The following PRKG2 variants were observed in gnomAD, a reference collection of about 807,000 sequenced individuals.
The protein encoded by PRKG2 is cGMP-dependent protein kinase 2.
Under a neutral mutation model 97.2 loss-of-function variants are expected in PRKG2, and 33 were observed. That is an observed-to-expected ratio of 0.34 (90% CI 0.26 to 0.45). The LOEUF (loss-of-function observed/expected upper bound fraction) is 0.45, where lower values mean the gene tolerates loss of function less well. Ranked by LOEUF, PRKG2 falls within the 20% of genes least tolerant of loss-of-function variation. PRKG2 has a pLI of 1.00. For synonymous variants in PRKG2, 330 were observed against 321.8 expected, an observed-to-expected ratio of 1.03 and a Z score of -0.27; for missense variants, 638 against 900.0, an observed-to-expected ratio of 0.71 and a Z score of 3.73.
intron 2 of PRKG2, among the ~76,000 whole-genome samples, chr4:81,191,546 C>T (rs1014197873): frequency 2.0e-5 from 3 of 152,026 alleles, no homozygotes; most frequent in Non-Finnish European, 2.9e-5. Flanking sequence ...AACAAACCTG[C>T]ACCTTCTGCA....
At chr4:81,153,574 C>A in intron 7 of PRKG2, 70 bp downstream of exon 7, 1 of 1,250,926 alleles carries the variant, frequency 8.0e-7, no homozygotes, top group South Asian at 1.3e-5. Context: ...CAATGCAAAG[C>A]ATAGTTGAGT....
At chr4:81,156,997 C>T (rs1409716481) in intron 6 of PRKG2, among the ~76,000 whole-genome samples, 6 of 152,074 alleles carry the variant, frequency 3.9e-5, no homozygotes, top group African/African-American at 1.2e-4. Flanking sequence ...AAAATTGACA[C>T]CCTAACATCA....
chr4:81,107,999 G>C (rs1235491228), intron 15 of PRKG2, among the ~76,000 whole-genome samples: 1 of 151,978 alleles, frequency 6.6e-6, no homozygotes, highest in Admixed American at 6.6e-5. Flanking sequence ...GAGGTTAGAA[G>C]TTCGAGACCA....
chr4:81,101,856 T>C (rs750123172), intron 17 of PRKG2, among the ~76,000 whole-genome samples: 2 of 152,020 alleles, frequency 1.3e-5, no homozygotes, highest in African/African-American at 4.8e-5. Context: ...AGCTTTTTTG[T>C]TTGTTTGTTT....
intron 2 of PRKG2, among the ~76,000 whole-genome samples, chr4:81,187,243 C>T (rs772155453): frequency 1.3e-4 from 20 of 152,078 alleles, no homozygotes; most frequent in East Asian, 1.9e-4. Context: ...ACTGGGAAAC[C>T]GAATCCAGCA....
Position 81,153,955 on chromosome 4 carries a change from C to G in PRKG2, c.913-234G>C, listed in dbSNP as rs1748693192. On this transcript the variant is annotated intron_variant, in intron 6 of 18. Coordinates refer to ENST00000264399, the MANE Select transcript of PRKG2 (RefSeq NM_006259.3). The stretch of plus-strand genomic sequence containing the variant: ...CAGGGCGAGGCATTGCCTCACTCAG[C>G]AAGCACAAGGGGTCAGGGAGTTCCC... The G allele has an allele frequency of 8.6e-6, 3 of 348,204 alleles. No homozygotes were observed. The South Asian group carries it at 1.1e-4, about 13-fold the overall frequency. The allele number at this position is 348,204 out of a possible 1,614,324, so 21.6% of individuals were successfully genotyped here.
At chr4:81,168,382 G>A (rs1750174273) in intron 5 of PRKG2, among the ~76,000 whole-genome samples, 2 of 152,110 alleles carry the variant, frequency 1.3e-5, no homozygotes, top group African/African-American at 2.4e-5. Context: ...ACAAAAGGAG[G>A]GAAGGAAAGA....
At chr4:81,096,186 A>G (rs1324832555) in intron 17 of PRKG2, among the ~76,000 whole-genome samples, 1 of 152,142 alleles carries the variant, frequency 6.6e-6, no homozygotes, top group Non-Finnish European at 1.5e-5. Flanking sequence ...TCATTTCATA[A>G]AAGTTCTCTA....
intron 2 of PRKG2, among the ~76,000 whole-genome samples, chr4:81,194,864 A>T (rs1752850658): frequency 6.6e-6 from 1 of 152,180 alleles, no homozygotes; most frequent in South Asian, 2.1e-4. Context: ...CTGCTCCTAT[A>T]ACACAATGCT....
intron 4 of PRKG2, 46 bp from the exon 5 acceptor site, chr4:81,169,814 T>C (rs1426756762): frequency 8.1e-7 from 1 of 1,233,458 alleles, no homozygotes; most frequent in Non-Finnish European, 1.1e-6. Context: ...TACAACATTG[T>C]GAAAACATTC....
In PRKG2 at chr4:81,148,597, C is replaced by T. The variant is rs149505239; in HGVS notation, c.1154+287G>A. On this transcript the variant is annotated intron_variant, in intron 9 of 18. Coordinates refer to ENST00000264399, the MANE Select transcript of PRKG2 (RefSeq NM_006259.3). Reference sequence around the variant, plus strand: ...AGAAATCCATAAGCGAACGAATCAACTTACTTCCCTAGAAGATGCAGAATT... The same window carrying T: ...AGAAATCCATAAGCGAACGAATCAATTTACTTCCCTAGAAGATGCAGAATT... Among the ~76,000 whole-genome samples, 897 of 152,274 alleles carry T rather than the reference C, an allele frequency of 5.9e-3. 29 individuals carry two copies. The highest frequency in any genetic ancestry group is 0.051 in the Admixed American group (784 of 15,286).
chr4:81,157,709 G>C (rs956394254), intron 6 of PRKG2, among the ~76,000 whole-genome samples: 11 of 152,034 alleles, frequency 7.2e-5, no homozygotes, highest in African/African-American at 2.7e-4. Context: ...GAATCCAGCA[G>C]CACATCAAAA....
intron 5 of PRKG2, among the ~76,000 whole-genome samples, chr4:81,167,476 A>G (rs1750088733): frequency 6.6e-6 from 1 of 152,154 alleles, no homozygotes; most frequent in Non-Finnish European, 1.5e-5. Flanking sequence ...ACAGGGGGAA[A>G]AAAATCACAT....
chr4:81,217,029 TTGTATATATATATATATATATATATG>T (rs1754298062), upstream of PRKG2, among the ~76,000 whole-genome samples: 1 of 88,170 alleles, frequency 1.1e-5, no homozygotes, highest in African/African-American at 5.9e-5. Flanking sequence ...TGTATATATT[TTGTATATATATATATATATATATATG>T]TGTATATATA....
At chr4:81,103,318 C>A (rs530312478) in intron 17 of PRKG2, among the ~76,000 whole-genome samples, 1 of 152,026 alleles carries the variant, frequency 6.6e-6, no homozygotes, top group South Asian at 2.1e-4. Flanking sequence ...GCTCCCCCCA[C>A]CCCACAACAG....
At chr4:81,179,957 AC>A (rs1330591468) in intron 2 of PRKG2, among the ~76,000 whole-genome samples, 1 of 152,044 alleles carries the variant, frequency 6.6e-6, no homozygotes, top group African/African-American at 2.4e-5. Flanking sequence ...AGCTTGGCCA[AC>A]CCCATCTCTA....
intron 2 of PRKG2, among the ~76,000 whole-genome samples, chr4:81,195,610 T>C (rs1578511307): frequency 6.6e-6 from 1 of 152,180 alleles, no homozygotes; most frequent in Non-Finnish European, 1.5e-5. Context: ...ATTTGACGAT[T>C]CGAGGTACCT....
intron 14 of PRKG2, among the ~76,000 whole-genome samples, chr4:81,126,350 T>C (rs1287310704): frequency 6.6e-6 from 1 of 152,218 alleles, no homozygotes; most frequent in Non-Finnish European, 1.5e-5. Context: ...TGTGCATGTG[T>C]CTTTATAGTA....
intron 14 of PRKG2, among the ~76,000 whole-genome samples, chr4:81,130,116 T>C (rs1421119241): frequency 6.6e-6 from 1 of 152,216 alleles, no homozygotes; most frequent in Admixed American, 6.5e-5. Context: ...GTGCTGTTTT[T>C]TCCTCACTTA....
Sources: gnomAD v4.1 joint callset for allele counts (sites outside exome capture counted in the v4.1 genomes callset) on GRCh38, gnomAD v4.1.1 for gene constraint, MANE v1.5 for transcripts, NCBI Gene and HGNC (gene_info 2026-07-23, HGNC 2026-07-21) for gene names.